NAV3: variants seen among roughly 807,000 people sequenced by gnomAD.
The protein encoded by NAV3 is neuron navigator 3.
Under a neutral mutation model 244.7 loss-of-function variants are expected in NAV3, and 87 were observed. The observed-to-expected ratio is 0.36, with a 90% confidence interval of 0.30 to 0.42. The LOEUF is 0.42. Ranked by LOEUF, NAV3 falls within the 20% of genes least tolerant of loss-of-function variation. The pLI is 1.00. For missense variants in NAV3, 2,663 were observed against 2,893.3 expected (o/e 0.92, Z 1.83); for synonymous variants, 1,126 against 1,042.2 (o/e 1.08, Z -1.55).
intron 5 of NAV3, among the ~76,000 whole-genome samples, chr12:77,982,123 A>C (rs1370056080): frequency 6.6e-6 from 1 of 152,202 alleles, no homozygotes; most frequent in Non-Finnish European, 1.5e-5. Context: ...TATCAAATAC[A>C]TCTATTTAAA....
At chr12:77,782,314 C>T (rs1870707235) in intron 2 of NAV3, among the ~76,000 whole-genome samples, 1 of 136,796 alleles carries the variant, frequency 7.3e-6, no homozygotes, top group Non-Finnish European at 1.5e-5. Flanking sequence ...CTTTCCCTTT[C>T]CTTCCTTCTT....
At chr12:78,151,496 CA>C (rs1418898266) in intron 22 of NAV3, among the ~76,000 whole-genome samples, 7 of 151,794 alleles carry the variant, frequency 4.6e-5, no homozygotes, top group Non-Finnish European at 8.8e-5. Context: ...GGGTGGATCC[CA>C]GGGGTATTAT....
At chr12:78,141,306 A>G (rs1412605307) in intron 20 of NAV3, among the ~76,000 whole-genome samples, 1 of 152,200 alleles carries the variant, frequency 6.6e-6, no homozygotes, top group African/African-American at 2.4e-5. Context: ...ATACAATTCT[A>G]TCTTTTTTAA....
chr12:78,190,468 G>T (rs1436838566), intron 34 of NAV3, among the ~76,000 whole-genome samples: 2 of 151,882 alleles, frequency 1.3e-5, no homozygotes, highest in African/African-American at 4.8e-5. Context: ...AATATGACAG[G>T]TCTCCTATGG....
At chr12:77,638,996 A>G (rs552880947) in intron 2 of NAV3, among the ~76,000 whole-genome samples, 2 of 152,250 alleles carry the variant, frequency 1.3e-5, no homozygotes, top group Admixed American at 6.5e-5. Context: ...TTTAAAGATC[A>G]TAGGGGTAAT....
At chr12:78,179,932 A>T (rs112730391) in intron 29 of NAV3, among the ~76,000 whole-genome samples, 87 of 152,234 alleles carry the variant, frequency 5.7e-4, no homozygotes, top group Admixed American at 1.6e-3. Context: ...TAGTAATTGG[A>T]TTCAGGTTGA....
At chr12:77,780,366 A>C (rs1396467659) in intron 2 of NAV3, among the ~76,000 whole-genome samples, 3 of 152,186 alleles carry the variant, frequency 2.0e-5, no homozygotes, top group Non-Finnish European at 4.4e-5. Flanking sequence ...TCTTCTTATA[A>C]ATCAACTTCC....
intron 3 of NAV3, among the ~76,000 whole-genome samples, chr12:77,954,251 A>G (rs1891159609): frequency 2.0e-5 from 3 of 152,316 alleles, no homozygotes. Context: ...TCATTCTTAC[A>G]TTCAACCATA....
In NAV3 at chr12:78,122,075, G is replaced by C. The variant is rs373904713; in HGVS notation, c.3885G>C (p.Thr1295=). The C allele has an allele frequency of 1.2e-6, 2 of 1,614,154 alleles. No homozygotes were observed. Among genetic ancestry groups the C allele is most frequent in the Non-Finnish European group, 1.7e-6 (2 of 1,180,026 alleles). Residue 1295 remains threonine (T), a synonymous_variant, in exon 16 of 40, where the codon ACG becomes ACC. Coordinates refer to ENST00000397909, the MANE Select transcript of NAV3 (RefSeq NM_001024383.2). ...QGSLESPSSG[T]GSMGSAGGLS... is the part of the protein sequence containing the mutation. ...GTCTGGAGTCACCGTCGTCCGGTAC[G>C]GGCAGCATGGGCAGTGCTGGTGGGC... is the stretch of plus-strand genomic sequence containing the variant.
chr12:77,711,718 A>AT (rs1876122110), intron 2 of NAV3, among the ~76,000 whole-genome samples: 1 of 152,126 alleles, frequency 6.6e-6, no homozygotes, highest in Admixed American at 6.5e-5. Context: ...AGACTGGAAG[A>AT]TTTTGACTGG....
intron 12 of NAV3, among the ~76,000 whole-genome samples, chr12:78,075,617 A>T (rs976949365): frequency 2.6e-5 from 4 of 152,192 alleles, no homozygotes; most frequent in African/African-American, 9.7e-5. Flanking sequence ...GGTTTTTAAA[A>T]TTTTAGTTTT....
chr12:77,748,148 T>C (rs1868654915), intron 2 of NAV3, among the ~76,000 whole-genome samples: 1 of 152,252 alleles, frequency 6.6e-6, no homozygotes, highest in African/African-American at 2.4e-5. Flanking sequence ...TTTGATATCA[T>C]AGAAGAGCAT....
chr12:78,197,821 G>A lies in NAV3; in HGVS notation c.6446+420G>A, dbSNP rs192318332. Among the ~76,000 whole-genome samples, 301 of 151,870 alleles carry A rather than the reference G, an allele frequency of 2.0e-3. 2 individuals carry two copies. The highest frequency in any genetic ancestry group is 6.3e-3 in the African/African-American group (261 of 41,510). On this transcript the variant is annotated intron_variant, in intron 35 of 39. Transcript: ENST00000397909. Reference sequence around the variant, plus strand: ...TTCTGCAGACATGATGAACATTTGCGAAACCAACAACAACGTTGGAATAGT... The same window carrying A: ...TTCTGCAGACATGATGAACATTTGCAAAACCAACAACAACGTTGGAATAGT...
intron 12 of NAV3, among the ~76,000 whole-genome samples, chr12:78,110,692 T>TGTGTG (rs556741846): frequency 7.3e-5 from 11 of 151,204 alleles, no homozygotes; most frequent in East Asian, 1.9e-4. Context: ...TATATATATA[T>TGTGTG]AGTGTGTGTG....
At chr12:77,664,434 A>C (rs77132384) in intron 2 of NAV3, among the ~76,000 whole-genome samples, 12,310 of 152,212 alleles carry the variant, frequency 0.081, 711 homozygotes, top group African/African-American at 0.17. Flanking sequence ...ATGCTTAAGG[A>C]TATTTAAATA....
At chr12:77,583,705 A>G (rs1410515667) in intron 2 of NAV3, among the ~76,000 whole-genome samples, 1 of 152,168 alleles carries the variant, frequency 6.6e-6, no homozygotes, top group African/African-American at 2.4e-5. Flanking sequence ...TGGATATAGC[A>G]ATGACCTTTT....
chr12:77,994,686 A>T, intron 5 of NAV3, 117 bp from the exon 6 acceptor site: 1 of 698,384 alleles, frequency 1.4e-6, no homozygotes, highest in Non-Finnish European at 2.4e-6. Context: ...TTCTTTATAC[A>T]TGTTTATACG....
intron 2 of NAV3, among the ~76,000 whole-genome samples, chr12:77,615,272 C>T (rs763734965): frequency 6.6e-6 from 1 of 151,626 alleles, no homozygotes; most frequent in Non-Finnish European, 1.5e-5. Context: ...TTTTTGGGTT[C>T]GGGAGTACAT....
intron 1 of NAV3, among the ~76,000 whole-genome samples, chr12:77,883,361 T>C (rs1254033337): frequency 3.3e-5 from 5 of 152,102 alleles, no homozygotes; most frequent in African/African-American, 1.2e-4. Flanking sequence ...AAATACCGCA[T>C]GTTCTCTCTA....
Sources: allele counts gnomAD v4.1 joint callset (sites outside exome capture counted in the v4.1 genomes callset), GRCh38; gene constraint gnomAD v4.1.1; transcripts MANE v1.5; gene names NCBI Gene and HGNC (gene_info 2026-07-23, HGNC 2026-07-21).